Variants in SNTB2 observed in about 807,000 individuals in gnomAD.
SNTB2 encodes the protein beta-2-syntrophin.
A neutral mutation model predicts 46.2 loss-of-function variants in SNTB2; 34 were observed. That is an observed-to-expected ratio of 0.74 (90% CI 0.56 to 0.98). The LOEUF is 0.98. Ranked by LOEUF, SNTB2 falls within the 50% of genes least tolerant of loss-of-function variation. The pLI is 0.00. For synonymous variants in SNTB2, 290 were observed against 312.6 expected (o/e 0.93, Z 0.76); for missense variants, 603 against 731.4 (o/e 0.82, Z 2.02).
At chr16:69,232,105 A>G (rs978246730) in intron 1 of SNTB2, among the ~76,000 whole-genome samples, 1 of 152,150 alleles carries the variant, frequency 6.6e-6, no homozygotes, top group African/African-American at 2.4e-5. Flanking sequence ...TATAAAAGTA[A>G]TAGATATTCA....
intron 4 of SNTB2, among the ~76,000 whole-genome samples, chr16:69,276,842 G>A (rs978691780): frequency 8.5e-5 from 13 of 152,148 alleles, no homozygotes; most frequent in African/African-American, 1.2e-4. Flanking sequence ...CATTGTATCC[G>A]TCCCCACGTG....
intron 1 of SNTB2, among the ~76,000 whole-genome samples, chr16:69,208,990 G>GTGTGTGTGTGTGTGTGTGTGTGTT (rs1488187077): frequency 2.6e-5 from 4 of 151,982 alleles, no homozygotes; most frequent in African/African-American, 7.3e-5. Flanking sequence ...GTGTGTGTGT[G>GTGTGTGTGTGTGTGTGTGTGTGTT]TTTTTGAGAT....
chr16:69,285,291 G>T (rs1166974977), intron 5 of SNTB2, among the ~76,000 whole-genome samples: 1 of 151,278 alleles, frequency 6.6e-6, no homozygotes. Flanking sequence ...TTTAAGCCTG[G>T]TATATGACTC....
At chr16:69,269,870 A>G (rs1344708054) in intron 3 of SNTB2, among the ~76,000 whole-genome samples, 3 of 152,222 alleles carry the variant, frequency 2.0e-5, no homozygotes, top group African/African-American at 7.2e-5. Flanking sequence ...AAAAAAAGAA[A>G]AAACAGAATT....
At position 69,300,909 on chromosome 16, in the gene SNTB2, G is replaced by A; in HGVS notation, c.1608G>A (p.Met536Ile). Residue 536 changes from methionine to isoleucine, a missense_variant, in exon 7 of 7, where the codon ATG (methionine) becomes ATA (isoleucine). By Grantham distance (10) the Met-to-Ile change is conservative (BLOSUM62 1). Around this residue, in one of 2 missense-constraint regions of SNTB2, gnomAD observed 537 missense variants for 692.4 expected, o/e 0.78. Transcript: ENST00000336278. ...HTFLSAKVTR[M>I]GLLV ...TTTTATCGGCCAAAGTCACTCGTATGGGACTGCTTGTATGAGCAACAAAAA... is the reference window on the plus strand; with the variant it reads ...TTTTATCGGCCAAAGTCACTCGTATAGGACTGCTTGTATGAGCAACAAAAA... 3.1e-6 allele frequency: 5 copies of A among 1,611,276 alleles called. 1 individual carries two copies. In the South Asian group the frequency reaches 5.5e-5, roughly 18 times the overall value.
chr16:69,214,049 T>G, intron 1 of SNTB2, among the ~76,000 whole-genome samples: 1 of 150,916 alleles, frequency 6.6e-6, no homozygotes, highest in Non-Finnish European at 1.5e-5. Context: ...GGTCTTGAAC[T>G]CCTGACCTCG....
chr16:69,235,529 C>G (rs1451531757), intron 1 of SNTB2, among the ~76,000 whole-genome samples: 2 of 151,986 alleles, frequency 1.3e-5, no homozygotes, highest in Non-Finnish European at 2.9e-5. Flanking sequence ...AGACTTTAAT[C>G]ACTGTAAATG....
intron 4 of SNTB2, among the ~76,000 whole-genome samples, chr16:69,280,493 G>C (rs1179687143): frequency 6.8e-6 from 1 of 147,632 alleles, no homozygotes; most frequent in Non-Finnish European, 1.5e-5. Flanking sequence ...GCGGGGGGCT[G>C]ACCCCCCCAC....
intron 5 of SNTB2, among the ~76,000 whole-genome samples, chr16:69,284,459 T>TAAAAAAAAAAAAA (rs3087058): frequency 4.4e-5 from 2 of 45,866 alleles, no homozygotes; most frequent in African/African-American, 1.7e-4. Flanking sequence ...CCGTCTTTAC[T>TAAAAAAAAAAAAA]AAAAAAAAAA....
At chr16:69,276,716 T>C (rs534600764) in intron 4 of SNTB2, among the ~76,000 whole-genome samples, 2 of 152,342 alleles carry the variant, frequency 1.3e-5, no homozygotes, top group South Asian at 4.1e-4. Flanking sequence ...ATTTTCATAG[T>C]AATATTAAAT....
chr16:69,295,237 T>A, intron 5 of SNTB2, among the ~76,000 whole-genome samples: 1 of 107,328 alleles, frequency 9.3e-6, no homozygotes, highest in African/African-American at 4.4e-5. Context: ...TGAATTTTTT[T>A]TTTTTTTTTT....
chr16:69,248,695 C>T (rs979494640), intron 2 of SNTB2, among the ~76,000 whole-genome samples: 4 of 151,944 alleles, frequency 2.6e-5, no homozygotes, highest in African/African-American at 9.7e-5. Flanking sequence ...GGTGGTGGCT[C>T]ACACCTATCA....
intron 5 of SNTB2, among the ~76,000 whole-genome samples, chr16:69,295,230 ATTTTTTTTTTTT>A (rs1160903028): frequency 8.5e-5 from 7 of 81,916 alleles, no homozygotes; most frequent in Non-Finnish European, 1.1e-4. Flanking sequence ...AACATACTGA[ATTTTTTTTTTTT>A]TTTTTTTTTT....
intron 1 of SNTB2, among the ~76,000 whole-genome samples, chr16:69,204,164 T>C (rs1210979348): frequency 1.3e-5 from 2 of 152,176 alleles, no homozygotes; most frequent in African/African-American, 4.8e-5. Flanking sequence ...AATGCTGGGA[T>C]TACAGGCGTG....
intron 1 of SNTB2, among the ~76,000 whole-genome samples, chr16:69,218,724 TACAA>T (rs1335911385): frequency 6.6e-6 from 1 of 152,180 alleles, no homozygotes; most frequent in Non-Finnish European, 1.5e-5. Flanking sequence ...CCTGGCCTGT[TACAA>T]ACAATTTTTT....
chr16:69,187,618 C>T lies in SNTB2; in HGVS notation c.452C>T (p.Ala151Val), dbSNP rs1489028271. The T allele has an allele frequency of 1.3e-6, 2 of 1,556,234 alleles. No individual in the cohort carries two copies. Among genetic ancestry groups the T allele is most frequent in the Admixed American group, 1.9e-5 (1 of 51,876 alleles). Residue 151 changes from alanine (A) to valine (V), a missense_variant, in exon 1 of 7, where the codon GCC becomes GTC. Ala to Val is a moderately conservative substitution (Grantham distance 64). Transcript: ENST00000336278. ...TCCAAGATCTTCCCCGGGCTGGCTG[C>T]CGACCAGAGCCGGGCGCTGCGGCTG... is the stretch of plus-strand genomic sequence containing the variant. ...LISKIFPGLA[A>V]DQSRALRLGD...
chr16:69,288,995 C>CGTGGTG (rs1433431904), intron 5 of SNTB2, among the ~76,000 whole-genome samples: 1 of 151,988 alleles, frequency 6.6e-6, no homozygotes, highest in Non-Finnish European at 1.5e-5. Context: ...AGTGGCCAGG[C>CGTGGTG]GTGGTGGCTC....
At chr16:69,188,297 G>A (rs1964014832) in intron 1 of SNTB2, among the ~76,000 whole-genome samples, 1 of 152,180 alleles carries the variant, frequency 6.6e-6, no homozygotes, top group Non-Finnish European at 1.5e-5. Context: ...AGCTGAAACA[G>A]CAAGTCTGTG....
At chr16:69,289,333 G>A (rs1965137286) in intron 5 of SNTB2, among the ~76,000 whole-genome samples, 1 of 151,964 alleles carries the variant, frequency 6.6e-6, no homozygotes, top group African/African-American at 2.4e-5. Context: ...AATACCAGAG[G>A]TTGGGATGGG....
Sources: allele counts gnomAD v4.1 joint callset (sites outside exome capture counted in the v4.1 genomes callset), GRCh38; gene constraint gnomAD v4.1.1; regional missense constraint gnomAD v4.1.1; transcripts MANE v1.5; gene names NCBI Gene and HGNC (gene_info 2026-07-23, HGNC 2026-07-21).